GLI2: variants seen among roughly 807,000 people sequenced by gnomAD.
GLI2 encodes transcription activator GLI2.
Under a neutral mutation model 78.9 loss-of-function variants are expected in GLI2, and 22 were observed. That is an observed-to-expected ratio of 0.28 (90% CI 0.20 to 0.40). The LOEUF is 0.40. Among genes scored for constraint, GLI2 ranks in the 10% least tolerant of loss-of-function variants. The pLI, the probability that GLI2 is intolerant of heterozygous loss-of-function variation, is 1.00. For missense variants in GLI2, 2,097 were observed against 2,213.2 expected (o/e 0.95, Z 1.05); for synonymous variants, 974 against 963.7 (o/e 1.01, Z -0.20).
chr2:120,773,182 A>G (rs562137070), intron 1 of GLI2, among the ~76,000 whole-genome samples: 1 of 152,312 alleles, frequency 6.6e-6, no homozygotes, highest in East Asian at 1.9e-4. Flanking sequence ...GAAGTGTAAC[A>G]AGTGGGTCAG....
At chr2:120,799,791 C>T (rs1386111882) in intron 2 of GLI2, among the ~76,000 whole-genome samples, 1 of 152,168 alleles carries the variant, frequency 6.6e-6, no homozygotes, top group African/African-American at 2.4e-5. Context: ...AACCCTGAGT[C>T]CCCCAGAAGG....
chr2:120,988,073 A>C (rs949605842), intron 13 of GLI2, 135 bp from the exon 14 acceptor site: 20 of 706,556 alleles, frequency 2.8e-5, no homozygotes, highest in South Asian at 4.4e-5. Flanking sequence ...AGAGAGAAAG[A>C]AAGCATGCAT....
rs1182138685 is a variant in GLI2 at position 120,989,317 on chromosome 2, T to C, written c.3352T>C (p.Ser1118Pro). The change falls in exon 14 of 14, where the codon TCC becomes CCC. Residue 1118 changes from serine (S) to proline (P), a missense_variant. By Grantham distance (74) the Ser-to-Pro change is moderately conservative. This residue lies in a region of GLI2 where 1,290 missense variants were observed against 1,261.7 expected (regional missense o/e 1.02). Transcript: ENST00000361492. ...ATGCCAGTTAGGCTTTGGGGCGCCC[T>C]CCAGCCTGAACAAAAATAACATGCC... ...GGCQLGFGAP[S>P]SLNKNNMPVQ... 1.9e-6 allele frequency: 3 copies of C among 1,613,004 alleles called. No individual in the cohort carries two copies. The highest frequency in any genetic ancestry group is 2.2e-5 in the East Asian group (1 of 44,868).
rs141698185 is a variant in GLI2 at position 120,770,568 on chromosome 2, C to G, written c.-30-26723C>G. ...GGCTGCCATTGCTGGACGACAGCCA[C>G]ACGCTGCCTGCTTCCTGACAGCCAG... On this transcript the variant is annotated intron_variant, in intron 1 of 13. Transcript: ENST00000361492. Among the ~76,000 whole-genome samples the G allele has an allele frequency of 2.9e-3, 449 of 152,312 alleles. 4 individuals carry two copies. The highest frequency in any genetic ancestry group is 0.01 in the African/African-American group (424 of 41,570).
At chr2:120,844,470 T>G (rs1461139761) in intron 2 of GLI2, among the ~76,000 whole-genome samples, 1 of 152,212 alleles carries the variant, frequency 6.6e-6, no homozygotes, top group Non-Finnish European at 1.5e-5. Flanking sequence ...TCTCCGTCCC[T>G]TCCTGTCACT....
chr2:120,742,679 T>TAAAAAAAAAA (rs10522388), intron 1 of GLI2, among the ~76,000 whole-genome samples: 52,233 of 139,306 alleles, frequency 0.37, 10,230 homozygotes, highest in Middle Eastern at 0.45. Context: ...AGGATGACTT[T>TAAAAAAAAAA]AAAAAAAAAG....
chr2:120,952,403 G>T (rs533840182), intron 4 of GLI2, among the ~76,000 whole-genome samples: 38 of 152,296 alleles, frequency 2.5e-4, no homozygotes, highest in African/African-American at 9.1e-4. Flanking sequence ...CATTCTCCCC[G>T]AGAGGAATGC....
rs1004685361 is a variant in GLI2, at chr2:120,988,748, C to T, written c.2783C>T (p.Thr928Ile). The change falls in exon 14 of 14, where the codon ACC becomes ATC. Residue 928 changes from threonine (T) to isoleucine (I), a missense_variant. Transcript: ENST00000361492. ...LGPRRGSDGP[T>I]YGHGHAGAAP... The stretch of plus-strand genomic sequence containing the variant: ...CCGCGGCGTGGCAGCGACGGGCCGA[C>T]CTATGGCCACGGCCACGCGGGGGCT... 6.5e-6 allele frequency: 8 copies of T among 1,229,152 alleles called. No homozygotes were observed. The highest frequency in any genetic ancestry group is 8.1e-6 in the Non-Finnish European group (8 of 983,758). 76.1% of individuals were successfully genotyped at this position (1,229,152 alleles called of 1,614,324 possible).
chr2:120,875,031 G>A (rs1286429390), intron 2 of GLI2, among the ~76,000 whole-genome samples: 2 of 152,230 alleles, frequency 1.3e-5, no homozygotes, highest in East Asian at 3.8e-4. Flanking sequence ...CCCATAAAAC[G>A]GTGAGGTGAC....
At chr2:120,933,413 G>A (rs1014122190) in intron 3 of GLI2, among the ~76,000 whole-genome samples, 2 of 152,184 alleles carry the variant, frequency 1.3e-5, no homozygotes, top group African/African-American at 4.8e-5. Flanking sequence ...TGGGGCAGGG[G>A]TGTGTGATTG....
chr2:120,806,509 G>C (rs1684957856), intron 2 of GLI2, among the ~76,000 whole-genome samples: 2 of 152,176 alleles, frequency 1.3e-5, no homozygotes, highest in South Asian at 2.1e-4. Context: ...GGAAAGGGTG[G>C]GTGGGCCCTG....
At chr2:120,920,521 C>A (rs959979431) in intron 2 of GLI2, among the ~76,000 whole-genome samples, 5 of 152,210 alleles carry the variant, frequency 3.3e-5, no homozygotes, top group Admixed American at 2.0e-4. Context: ...CTCACTAACA[C>A]AAGAAGACCA....
At chr2:120,911,683 C>T (rs1678826134) in intron 2 of GLI2, among the ~76,000 whole-genome samples, 1 of 152,102 alleles carries the variant, frequency 6.6e-6, no homozygotes, top group African/African-American at 2.4e-5. Flanking sequence ...GTCGTTGACT[C>T]AGAGGAAATG....
chr2:120,808,257 T>C (rs546835607), intron 2 of GLI2, among the ~76,000 whole-genome samples: 1 of 152,296 alleles, frequency 6.6e-6, no homozygotes, highest in East Asian at 1.9e-4. Flanking sequence ...GCCAAGCATG[T>C]GGTCTCTGTG....
At chr2:120,859,578 C>T (rs1260271958) in intron 2 of GLI2, among the ~76,000 whole-genome samples, 3 of 151,370 alleles carry the variant, frequency 2.0e-5, no homozygotes, top group East Asian at 1.9e-4. Flanking sequence ...CTTCAGCCTC[C>T]GGAGTAGCTG....
chr2:120,870,689 A>G (rs1573511337), intron 2 of GLI2, among the ~76,000 whole-genome samples: 1 of 152,162 alleles, frequency 6.6e-6, no homozygotes, highest in East Asian at 1.9e-4. Context: ...CCACCTTCAG[A>G]CCTGCTCCCA....
Position 120,951,377 on chromosome 2 carries a change from T to G in GLI2, c.389T>G (p.Leu130Arg). The change falls in exon 4 of 14, where the codon CTC becomes CGC. Residue 130 changes from leucine (L) to arginine (R), a missense_variant. Around this residue, in one of 5 missense-constraint regions of GLI2, gnomAD observed 578 missense variants for 612.0 expected, o/e 0.94. Coordinates refer to ENST00000361492, the MANE Select transcript of GLI2 (RefSeq NM_001374353.1). ...PYVNPHMEHYLRSVHSSPTLS... is the reference protein window; with the variant it reads ...PYVNPHMEHYRRSVHSSPTLS... ...GTGAACCCCCACATGGAGCACTACC[T>G]CCGTTCTGTGCACAGCAGCCCCACG... The G allele has an allele frequency of 6.2e-7, 1 of 1,610,324 alleles. No homozygotes were observed. The highest frequency in any genetic ancestry group is 8.5e-7 in the Non-Finnish European group (1 of 1,176,734).
intron 2 of GLI2, among the ~76,000 whole-genome samples, chr2:120,861,606 C>T (rs187099112): frequency 7.0e-4 from 107 of 152,352 alleles, no homozygotes; most frequent in African/African-American, 2.0e-3. Flanking sequence ...ATTTGGACAC[C>T]AGGGTTTGCT....
At chr2:120,833,440 C>T (rs1310065268) in intron 2 of GLI2, among the ~76,000 whole-genome samples, 1 of 152,190 alleles carries the variant, frequency 6.6e-6, no homozygotes, top group African/African-American at 2.4e-5. Flanking sequence ...GGGCCTGCCT[C>T]TCACATCTCT....
Sources: gnomAD v4.1 joint callset for allele counts (sites outside exome capture counted in the v4.1 genomes callset) on GRCh38, gnomAD v4.1.1 for gene constraint, gnomAD v4.1.1 regional missense constraint, MANE v1.5 for transcripts, NCBI Gene and HGNC (gene_info 2026-07-23, HGNC 2026-07-21) for gene names.